The following SPOCK1 variants were observed in gnomAD, a reference collection of about 807,000 sequenced individuals.
The protein encoded by SPOCK1 is SPARC (osteonectin), cwcv and kazal like domains proteoglycan 1.
A neutral mutation model predicts 55.3 loss-of-function variants in SPOCK1; 23 were observed. The ratio of observed to expected loss-of-function variants is 0.42; its 90% confidence interval spans 0.30 to 0.59. The LOEUF is 0.59. Among genes scored for constraint, SPOCK1 ranks in the 20% least tolerant of loss-of-function variants. The probability of loss-of-function intolerance (pLI) is 0.22; values close to 1 mark genes in which losing one functional copy is unlikely to be tolerated. For synonymous variants in SPOCK1, 226 were observed against 221.0 expected (o/e 1.02, Z -0.20); for missense variants, 499 against 552.5 (o/e 0.90, Z 0.97).
intron 2 of SPOCK1, among the ~76,000 whole-genome samples, chr5:137,419,446 T>C (rs921601692): frequency 6.6e-6 from 1 of 152,232 alleles, no homozygotes; most frequent in East Asian, 1.9e-4. Flanking sequence ...TGGAATGTTC[T>C]TCCATTTGCT....
At chr5:137,212,929 C>T (rs933354731) in intron 3 of SPOCK1, among the ~76,000 whole-genome samples, 1 of 152,144 alleles carries the variant, frequency 6.6e-6, no homozygotes, top group African/African-American at 2.4e-5. Flanking sequence ...CTCTGACCTC[C>T]CAGACTCAAG....
chr5:137,155,740 T>A (rs4976340), intron 3 of SPOCK1, among the ~76,000 whole-genome samples: 35,669 of 152,168 alleles, frequency 0.23, 4,542 homozygotes, highest in Non-Finnish European at 0.28. Context: ...AATCGTTTTT[T>A]AAATGGGCAA....
chr5:137,353,843 T>C (rs17171371), intron 2 of SPOCK1, among the ~76,000 whole-genome samples: 10,244 of 152,060 alleles, frequency 0.067, 669 homozygotes, highest in African/African-American at 0.17. Context: ...GGCAGACCCA[T>C]CCACTTCCAG....
At chr5:137,405,336 A>G (rs1752074077) in intron 2 of SPOCK1, among the ~76,000 whole-genome samples, 1 of 152,224 alleles carries the variant, frequency 6.6e-6, no homozygotes, top group Admixed American at 6.5e-5. Context: ...TTAGTCCCAT[A>G]AATCGGCTGA....
intron 3 of SPOCK1, among the ~76,000 whole-genome samples, chr5:137,142,638 G>A (rs546640564): frequency 6.6e-6 from 1 of 152,342 alleles, no homozygotes; most frequent in African/African-American, 2.4e-5. Flanking sequence ...TTGAGCCCCA[G>A]GGACAGAGTG....
At chr5:137,432,161 T>TA (rs368357987) in intron 2 of SPOCK1, among the ~76,000 whole-genome samples, 1 of 151,718 alleles carries the variant, frequency 6.6e-6, no homozygotes, top group African/African-American at 2.4e-5. Context: ...GATGGGAGAG[T>TA]AAAATGATGC....
Position 137,068,361 on chromosome 5 carries a change from T to C in SPOCK1, c.475-532A>G, listed in dbSNP as rs550462630. On this transcript the variant is annotated intron_variant, in intron 5 of 10. Transcript: ENST00000394945. ...GAAGAATGAATGCTCTTGCTTCCGTTGTCCAAAACCTAAGTTTACACGGGT... is the reference window on the plus strand; with the variant it reads ...GAAGAATGAATGCTCTTGCTTCCGTCGTCCAAAACCTAAGTTTACACGGGT... 7.9e-5 allele frequency among the ~76,000 whole-genome samples: 12 copies of C among 152,336 alleles called. No individual in the cohort carries two copies. The East Asian group carries it at 2.1e-3, about 27-fold the overall frequency.
chr5:137,230,372 G>A (rs186521059), intron 3 of SPOCK1, among the ~76,000 whole-genome samples: 118 of 152,222 alleles, frequency 7.8e-4, no homozygotes, highest in African/African-American at 2.6e-3. Flanking sequence ...AATGTTAGAA[G>A]GAAACAGCGA....
chr5:137,378,330 A>G (rs1252532197), intron 2 of SPOCK1, among the ~76,000 whole-genome samples: 2 of 152,228 alleles, frequency 1.3e-5, no homozygotes, highest in Non-Finnish European at 2.9e-5. Flanking sequence ...CTTTACAGCT[A>G]GAAGAAGAAT....
intron 3 of SPOCK1, among the ~76,000 whole-genome samples, chr5:137,245,787 CAAAA>C (rs33935068): frequency 1.5e-4 from 17 of 111,598 alleles, no homozygotes; most frequent in Admixed American, 4.5e-4. Context: ...AAAAAAAAAA[CAAAA>C]AAAAAAACTG....
At chr5:137,498,605 C>G in intron 1 of SPOCK1, 47 bp from the exon 2 acceptor site, 3 of 1,262,912 alleles carry the variant, frequency 2.4e-6, no homozygotes, top group Non-Finnish European at 3.0e-6. Flanking sequence ...GGCGGGCGGC[C>G]GCGAGCCCCG....
chr5:137,302,587 TA>T (rs1319744169), intron 2 of SPOCK1, among the ~76,000 whole-genome samples: 1 of 128,508 alleles, frequency 7.8e-6, no homozygotes, highest in East Asian at 2.6e-4. Context: ...AAAAAATAAA[TA>T]AATAAATAAA....
chr5:137,067,873 C>T, intron 5 of SPOCK1, 44 bp from the exon 6 acceptor site: 1 of 1,515,938 alleles, frequency 6.6e-7, no homozygotes, highest in Non-Finnish European at 9.2e-7. Context: ...GCAGCCATAA[C>T]AGACCCCTAC....
intron 2 of SPOCK1, among the ~76,000 whole-genome samples, chr5:137,390,740 G>A (rs2127179043): frequency 6.6e-6 from 1 of 152,334 alleles, no homozygotes; most frequent in East Asian, 1.9e-4. Flanking sequence ...CCTACTGCCA[G>A]CAAGGCATGG....
Position 137,498,474 on chromosome 5 carries a change from C to G in SPOCK1, c.85G>C (p.Gly29Arg), listed in dbSNP as rs760728894. Reference protein sequence around the residue: ...VESRHLDALAGGAGPNHGNFL... With the variant: ...VESRHLDALARGAGPNHGNFL... ...TTGCCGTGGTTGGGGCCCGCGCCTC[C>G]GGCGAGCGCGTCCAGGTGCCGGCTC... The change falls in exon 2 of 11, where the codon GGA (glycine) becomes CGA (arginine). Residue 29 changes from glycine to arginine, a missense_variant. This residue lies in a region of SPOCK1 where 386 missense variants were observed against 400.6 expected (regional missense o/e 0.96). Coordinates refer to ENST00000394945, the MANE Select transcript of SPOCK1 (RefSeq NM_004598.4). 1.1e-5 allele frequency: 18 copies of G among 1,602,944 alleles called. No individual in the cohort carries two copies. The Admixed American group carries it at 2.9e-4, about 26-fold the overall frequency.
At position 137,236,776 on chromosome 5, in the gene SPOCK1, T is replaced by C. The variant is rs186083481; in HGVS notation, c.232+30234A>G. On this transcript the variant is annotated intron_variant, in intron 3 of 10. Transcript: ENST00000394945. ...ATCAATTCCCCACTGGTCACACATA[T>C]AGATGCACAGCAGGAAAACATCTAC... 4.1e-3 allele frequency among the ~76,000 whole-genome samples: 623 copies of C among 152,298 alleles called. 1 individual carries two copies. Among genetic ancestry groups the C allele is most frequent in the African/African-American group, 0.015 (611 of 41,556 alleles).
intron 2 of SPOCK1, among the ~76,000 whole-genome samples, chr5:137,341,118 G>A (rs758235629): frequency 6.6e-6 from 1 of 152,194 alleles, no homozygotes; most frequent in African/African-American, 2.4e-5. Context: ...TGTACTCGCT[G>A]CACCATCCAG....
Position 136,977,931 on chromosome 5 carries a change from C to G in SPOCK1, c.*723G>C. 1 of 385,814 alleles carries G rather than the reference C, an allele frequency of 2.6e-6. No homozygotes were observed. Among genetic ancestry groups the G allele is most frequent in the East Asian group, 3.6e-5 (1 of 27,994 alleles). 23.9% of individuals were successfully genotyped at this position (385,814 alleles called of 1,614,324 possible). On this transcript the variant is annotated 3_prime_UTR_variant, in exon 11 of 11. Transcript: ENST00000394945. ...CATTGTTTTTCGAGTTTTTAAGATA[C>G]CCAAACACTTTTTCTGAGAGGTATG...
chr5:137,397,237 C>T (rs1751870909), intron 2 of SPOCK1, among the ~76,000 whole-genome samples: 1 of 152,182 alleles, frequency 6.6e-6, no homozygotes, highest in African/African-American at 2.4e-5. Flanking sequence ...AATGGCATCC[C>T]ACCTAGCAAG....
Sources: allele counts gnomAD v4.1 joint callset (sites outside exome capture counted in the v4.1 genomes callset), GRCh38; gene constraint gnomAD v4.1.1; regional missense constraint gnomAD v4.1.1; transcripts MANE v1.5; gene names NCBI Gene and HGNC (gene_info 2026-07-23, HGNC 2026-07-21).